PTCD2: variants seen among roughly 807,000 people sequenced by gnomAD.
The protein encoded by PTCD2 is pentatricopeptide repeat-containing protein 2, mitochondrial.
In PTCD2, 31 loss-of-function variants were observed where a neutral mutation model predicts 42.6. The ratio of observed to expected loss-of-function variants is 0.73; its 90% CI spans 0.55 to 0.98. The LOEUF is 0.98. Ranked by LOEUF, PTCD2 falls within the 50% of genes least tolerant of loss-of-function variation. The probability of loss-of-function intolerance (pLI) is 0.00; values close to 1 mark genes in which losing one functional copy is unlikely to be tolerated. For synonymous variants in PTCD2, 183 were observed against 170.9 expected (o/e 1.07, Z -0.55); for missense variants, 476 against 454.8 (o/e 1.05, Z -0.42).
intron 2 of PTCD2, among the ~76,000 whole-genome samples, chr5:72,325,325 G>C (rs997449506): frequency 1.3e-5 from 2 of 152,182 alleles, no homozygotes; most frequent in Non-Finnish European, 2.9e-5. Flanking sequence ...ATATTTAATA[G>C]ACTAAATCCT....
chr5:72,355,408 CAA>C (rs1230660047), intron 9 of PTCD2, among the ~76,000 whole-genome samples: 1 of 151,840 alleles, frequency 6.6e-6, no homozygotes, highest in African/African-American at 2.4e-5. Flanking sequence ...AAGTAATTGA[CAA>C]ATTATTTTTT....
In PTCD2 at chr5:72,366,108, C is replaced by G. The variant is rs187073277; in HGVS notation, c.*7681C>G. 6.6e-6 allele frequency: 1 copy of G among 152,110 alleles called. No homozygotes were observed. Among genetic ancestry groups the G allele is most frequent in the Admixed American group, 6.6e-5 (1 of 15,258 alleles). 9.4% of individuals were successfully genotyped at this position (152,110 alleles called of 1,614,324 possible). On this transcript the variant is annotated 3_prime_UTR_variant, in exon 10 of 10. Transcript: ENST00000380639. ...GCGGGCATCTGTAATTTCAGCTACT[C>G]AGGAGGTTGAGACGGGAGAATTGCT... is the stretch of plus-strand genomic sequence containing the variant.
chr5:72,365,628 C>T lies in PTCD2; in HGVS notation c.*7201C>T, dbSNP rs1753186461. The T allele has an allele frequency of 6.6e-6, 1 of 152,176 alleles. No individual in the cohort carries two copies. Among genetic ancestry groups the T allele is most frequent in the African/African-American group, 2.4e-5 (1 of 41,436 alleles). The allele number at this position is 152,176 out of a possible 1,614,324, so 9.4% of individuals were successfully genotyped here. On this transcript the variant is annotated 3_prime_UTR_variant, in exon 10 of 10. Coordinates refer to ENST00000380639, the MANE Select transcript of PTCD2 (RefSeq NM_024754.5). ...GAAGACTGAAGAGGATTAAGTTAACCTTCCATTTTATAGCTGCAAATTACT... is the reference window on the plus strand; with the variant it reads ...GAAGACTGAAGAGGATTAAGTTAACTTTCCATTTTATAGCTGCAAATTACT...
intron 3 of PTCD2, 33 bp downstream of exon 3, chr5:72,326,774 AT>A: frequency 6.2e-7 from 1 of 1,608,092 alleles, no homozygotes; most frequent in Non-Finnish European, 8.5e-7. Context: ...TGCCACCCTT[AT>A]CCCTTCTTAC....
At chr5:72,335,919 G>T in intron 6 of PTCD2, 34 bp downstream of exon 6, 1 of 1,308,870 alleles carries the variant, frequency 7.6e-7, no homozygotes, top group Non-Finnish European at 1.1e-6. Flanking sequence ...TGAGAGCATT[G>T]TGTGTAGTCT....
chr5:72,331,414 G>T, intron 4 of PTCD2, 39 bp downstream of exon 4: 1 of 1,389,404 alleles, frequency 7.2e-7, no homozygotes, highest in Non-Finnish European at 1.0e-6. Flanking sequence ...CAATGTGTGT[G>T]TTTTTGGTGA....
At chr5:72,327,656 A>G (rs935268138) in intron 3 of PTCD2, among the ~76,000 whole-genome samples, 2 of 151,938 alleles carry the variant, frequency 1.3e-5, no homozygotes, top group African/African-American at 4.8e-5. Flanking sequence ...TATTTTTAGT[A>G]GAGAGTGGGT....
chr5:72,346,159 G>A (rs1752346493), intron 8 of PTCD2, among the ~76,000 whole-genome samples: 1 of 152,184 alleles, frequency 6.6e-6, no homozygotes, highest in Non-Finnish European at 1.5e-5. Context: ...CCAGAAAGAT[G>A]GAGAGAGTGA....
chr5:72,336,389 G>A (rs1751742835), intron 6 of PTCD2, among the ~76,000 whole-genome samples: 1 of 152,210 alleles, frequency 6.6e-6, no homozygotes, highest in African/African-American at 2.4e-5. Context: ...GTACTTAGCA[G>A]ATGCACGTTC....
chr5:72,335,792 A>G lies in PTCD2; in HGVS notation c.548-2A>G, dbSNP rs2112164146. On this transcript the variant is annotated splice_acceptor_variant, in intron 5 of 9. Coordinates refer to ENST00000380639, the MANE Select transcript of PTCD2 (RefSeq NM_024754.5). LOFTEE classifies it high-confidence loss of function. ...CTGCGATCCACTCTTCACTTTTGGCAGGTGCTTTGCAAGTATTGATAGAGA... is the reference window on the plus strand; with the variant it reads ...CTGCGATCCACTCTTCACTTTTGGCGGGTGCTTTGCAAGTATTGATAGAGA... 3 of 1,608,154 alleles carry G rather than the reference A, an allele frequency of 1.9e-6. No individual in the cohort carries two copies. The South Asian group carries it at 3.3e-5, about 18-fold the overall frequency.
intron 9 of PTCD2, among the ~76,000 whole-genome samples, chr5:72,355,678 G>A (rs923231243): frequency 3.9e-5 from 6 of 152,204 alleles, no homozygotes; most frequent in Non-Finnish European, 7.3e-5. Flanking sequence ...TAGGTCATTT[G>A]AGATGTAGTA....
rs1404764239 is a variant in PTCD2 at position 72,363,969 on chromosome 5, G to A, written c.*5542G>A. 2.6e-5 allele frequency: 4 copies of A among 152,096 alleles called. No homozygotes were observed. The highest frequency in any genetic ancestry group is 4.4e-5 in the Non-Finnish European group (3 of 68,028). The allele number at this position is 152,096 out of a possible 1,614,324, so 9.4% of individuals were successfully genotyped here. The stretch of plus-strand genomic sequence containing the variant: ...CATAAAAAAGATTACAGCGGCAAAA[G>A]CTATCATCAGTAATATTTGATATGC... On this transcript the variant is annotated 3_prime_UTR_variant, in exon 10 of 10. Transcript: ENST00000380639.
rs770301749 is a variant in PTCD2 at position 72,326,590 on chromosome 5, A to G, written c.221-22A>G. The G allele has an allele frequency of 1.5e-5, 25 of 1,613,556 alleles. No homozygotes were observed. In the African/African-American group the frequency reaches 2.9e-4, roughly 19 times the overall value. ...CTCTCAGTCAGCCTGAGTGATGGTCACCATACTGTGCTTTCTTCCAGAAAC... is the reference window on the plus strand; with the variant it reads ...CTCTCAGTCAGCCTGAGTGATGGTCGCCATACTGTGCTTTCTTCCAGAAAC... On this transcript the variant is annotated intron_variant, in intron 2 of 9. Coordinates refer to ENST00000380639, the MANE Select transcript of PTCD2 (RefSeq NM_024754.5).
At chr5:72,338,854 G>A in intron 7 of PTCD2, 119 bp downstream of exon 7, 1 of 540,034 alleles carries the variant, frequency 1.9e-6, no homozygotes. Flanking sequence ...TCACCATAAA[G>A]AGACCAATGC....
At chr5:72,336,501 T>C (rs760630205) in intron 6 of PTCD2, among the ~76,000 whole-genome samples, 56 of 152,268 alleles carry the variant, frequency 3.7e-4, no homozygotes, top group Middle Eastern at 3.4e-3. Flanking sequence ...GTATGTGACA[T>C]GAAAATGAAG....
intron 3 of PTCD2, among the ~76,000 whole-genome samples, chr5:72,329,954 A>T (rs1473371696): frequency 6.8e-6 from 1 of 147,454 alleles, no homozygotes; most frequent in Non-Finnish European, 1.5e-5. Flanking sequence ...TTTTTTTGAG[A>T]TGGAGTCTCG....
At chr5:72,334,923 G>T in intron 4 of PTCD2, 95 bp from the exon 5 acceptor site, 2 of 742,888 alleles carry the variant, frequency 2.7e-6, no homozygotes. Flanking sequence ...AAAGCATGCA[G>T]AATAATAAGA....
chr5:72,354,359 G>A (rs1408877833), intron 9 of PTCD2, among the ~76,000 whole-genome samples: 2 of 134,586 alleles, frequency 1.5e-5, no homozygotes, highest in East Asian at 4.1e-4. Context: ...GCTCCAGCCT[G>A]GCGACAGAAT....
In PTCD2 at chr5:72,322,227, G is replaced by C. The variant is rs1341124363; in HGVS notation, c.183G>C (p.Lys61Asn). The C allele has an allele frequency of 6.2e-7, 1 of 1,602,450 alleles. No individual in the cohort carries two copies. Among genetic ancestry groups the C allele is most frequent in the South Asian group, 1.1e-5 (1 of 90,730 alleles). The stretch of plus-strand genomic sequence containing the variant: ...TGAAATTAAAAGAATTTCAACAAAA[G>C]AAAGTGGCTGTTGCATGTAATCTTT... ...NVVKLKEFQQ[K>N]KVAVACNLSG... The change falls in exon 2 of 10, where the codon AAG (lysine) becomes AAC (asparagine). Residue 61 changes from lysine (K) to asparagine (N), a missense_variant. Lys to Asn is a moderately conservative substitution (Grantham distance 94). Coordinates refer to ENST00000380639, the MANE Select transcript of PTCD2 (RefSeq NM_024754.5).
Sources: allele counts gnomAD v4.1 joint callset (sites outside exome capture counted in the v4.1 genomes callset), GRCh38; gene constraint gnomAD v4.1.1; transcripts MANE v1.5; gene names NCBI Gene and HGNC (gene_info 2026-07-23, HGNC 2026-07-21).